CSMD1: variants seen among roughly 807,000 people sequenced by gnomAD.
The protein encoded by CSMD1 is CUB and sushi domain-containing protein 1.
In CSMD1, 213 loss-of-function variants were observed where a neutral mutation model predicts 417.5. The ratio of observed to expected loss-of-function variants is 0.51; its 90% CI spans 0.46 to 0.57. CSMD1 has a LOEUF of 0.57. Among genes scored for constraint, CSMD1 ranks in the 20% least tolerant of loss-of-function variants. The pLI is 0.00. For missense variants in CSMD1, 6,923 were observed against 4,529.7 expected (o/e 1.53, Z -15.17); for synonymous variants, 2,862 against 1,736.8 (o/e 1.65, Z -16.11).
At chr8:3,789,904 TG>T (rs1190294670) in intron 5 of CSMD1, among the ~76,000 whole-genome samples, 2 of 152,010 alleles carry the variant, frequency 1.3e-5, no homozygotes, top group African/African-American at 4.8e-5. Flanking sequence ...GCTAATTTTT[TG>T]TATTTTCAGT....
chr8:3,332,375 G>C (rs1272674936), intron 23 of CSMD1, among the ~76,000 whole-genome samples: 2 of 152,230 alleles, frequency 1.3e-5, no homozygotes, highest in East Asian at 1.9e-4. Context: ...CCCACCTCCA[G>C]ACATCTCTGA....
chr8:3,300,785 G>T (rs556665388), intron 25 of CSMD1, among the ~76,000 whole-genome samples: 3 of 150,780 alleles, frequency 2.0e-5, no homozygotes, highest in African/African-American at 4.9e-5. Context: ...GCGAAACCCC[G>T]TGTCTACTAA....
chr8:2,989,951 G>A (rs946963983), intron 54 of CSMD1, among the ~76,000 whole-genome samples: 10 of 152,150 alleles, frequency 6.6e-5, no homozygotes, highest in African/African-American at 2.4e-4. Flanking sequence ...CACATCATTT[G>A]GGATATAGTA....
chr8:3,673,749 T>G (rs1341681750), intron 7 of CSMD1, among the ~76,000 whole-genome samples: 1 of 152,182 alleles, frequency 6.6e-6, no homozygotes, highest in African/African-American at 2.4e-5. Context: ...CTATTGGAGC[T>G]ATTCCCTCAA....
At chr8:4,071,192 C>T (rs1799537466) in intron 3 of CSMD1, among the ~76,000 whole-genome samples, 1 of 151,720 alleles carries the variant, frequency 6.6e-6, no homozygotes, top group South Asian at 2.1e-4. Flanking sequence ...CTTATTCTCC[C>T]TCTCTTTCTC....
At chr8:3,114,238 C>T (rs914448236) in intron 42 of CSMD1, among the ~76,000 whole-genome samples, 1 of 151,996 alleles carries the variant, frequency 6.6e-6, no homozygotes, top group African/African-American at 2.4e-5. Flanking sequence ...CCTGAGACTC[C>T]ATCTCAAATA....
intron 3 of CSMD1, among the ~76,000 whole-genome samples, chr8:4,388,016 A>C (rs1043227720): frequency 2.0e-5 from 3 of 152,188 alleles, no homozygotes; most frequent in Non-Finnish European, 2.9e-5. Flanking sequence ...ATCCATTTAC[A>C]CCAAGCATCT....
chr8:4,932,106 G>T (rs549372053), intron 1 of CSMD1, among the ~76,000 whole-genome samples: 1 of 152,076 alleles, frequency 6.6e-6, no homozygotes, highest in Non-Finnish European at 1.5e-5. Flanking sequence ...ATTTTCATTT[G>T]GAATCTTTCA....
chr8:4,601,028 C>T (rs1410781725), intron 2 of CSMD1, among the ~76,000 whole-genome samples: 1 of 149,518 alleles, frequency 6.7e-6, no homozygotes, highest in Non-Finnish European at 1.5e-5. Context: ...GCCATCTCGG[C>T]TCACTGCAAC....
chr8:3,280,390 G>C (rs1802640660), intron 26 of CSMD1, among the ~76,000 whole-genome samples: 1 of 152,188 alleles, frequency 6.6e-6, no homozygotes, highest in East Asian at 1.9e-4. Flanking sequence ...CACATTTCCA[G>C]AGTTGTAGTC....
intron 2 of CSMD1, among the ~76,000 whole-genome samples, chr8:4,618,787 A>G (rs1157269810): frequency 6.6e-6 from 1 of 152,176 alleles, no homozygotes; most frequent in African/African-American, 2.4e-5. Flanking sequence ...GCCCCAAAAC[A>G]TTTCTGACTT....
intron 2 of CSMD1, among the ~76,000 whole-genome samples, chr8:4,427,734 T>G (rs1026115486): frequency 3.9e-5 from 6 of 152,164 alleles, no homozygotes; most frequent in African/African-American, 1.4e-4. Context: ...TTTGAAACTA[T>G]TAATATAAAG....
chr8:3,832,304 T>C (rs1395158515), intron 5 of CSMD1, among the ~76,000 whole-genome samples: 2 of 152,188 alleles, frequency 1.3e-5, no homozygotes, highest in Non-Finnish European at 2.9e-5. Flanking sequence ...ATCTTTACCG[T>C]TAAAACGCAA....
At chr8:4,045,019 G>A (rs1361057317) in intron 3 of CSMD1, among the ~76,000 whole-genome samples, 1 of 152,218 alleles carries the variant, frequency 6.6e-6, no homozygotes, top group Non-Finnish European at 1.5e-5. Context: ...TGTTATGCCT[G>A]AATCTTCCAG....
intron 3 of CSMD1, among the ~76,000 whole-genome samples, chr8:4,150,177 C>G (rs969318933): frequency 2.0e-5 from 3 of 152,148 alleles, no homozygotes; most frequent in Non-Finnish European, 2.9e-5. Flanking sequence ...CCAGGTATGT[C>G]CTGAGGCATC....
At chr8:3,223,921 C>A (rs1798348960) in intron 27 of CSMD1, 54 bp from the exon 28 acceptor site, 1 of 1,585,532 alleles carries the variant, frequency 6.3e-7, no homozygotes, top group Non-Finnish European at 8.6e-7. Flanking sequence ...AGAACGCCTG[C>A]CAGTCAGTGT....
intron 3 of CSMD1, among the ~76,000 whole-genome samples, chr8:4,039,605 C>A (rs1292143184): frequency 6.6e-6 from 1 of 152,086 alleles, no homozygotes; most frequent in Admixed American, 6.6e-5. Flanking sequence ...GTCTCATTCT[C>A]CAGGATGAGG....
At chr8:4,269,797 A>G (rs1014339692) in intron 3 of CSMD1, among the ~76,000 whole-genome samples, 1 of 152,200 alleles carries the variant, frequency 6.6e-6, no homozygotes, top group African/African-American at 2.4e-5. Flanking sequence ...TATACAGGTG[A>G]TACCCAATGA....
At chr8:4,961,819 TTTC>T (rs1292237325) in intron 1 of CSMD1, among the ~76,000 whole-genome samples, 45 of 152,298 alleles carry the variant, frequency 3.0e-4, no homozygotes, top group African/African-American at 9.9e-4. Flanking sequence ...GCTAATCTAC[TTTC>T]TTGTTATTTC....
Sources: gnomAD v4.1 joint callset for allele counts (sites outside exome capture counted in the v4.1 genomes callset) on GRCh38, gnomAD v4.1.1 for gene constraint, MANE v1.5 for transcripts, NCBI Gene and HGNC (gene_info 2026-07-23, HGNC 2026-07-21) for gene names.